The following PAN3 variants were observed in gnomAD, a reference collection of about 807,000 sequenced individuals.
PAN3 encodes the protein PAN2-PAN3 deadenylation complex subunit PAN3.
A neutral mutation model predicts 96.2 loss-of-function variants in PAN3; 19 were observed. That is an observed-to-expected ratio of 0.20 (90% confidence interval 0.14 to 0.29). PAN3 has a LOEUF of 0.29. PAN3 is among the 10% of genes least tolerant of loss of function. The probability of loss-of-function intolerance (pLI) is 1.00; values close to 1 mark genes in which losing one functional copy is unlikely to be tolerated. For missense variants in PAN3, 882 were observed against 1,108.1 expected, an observed-to-expected ratio of 0.80 and a Z score of 2.90; for synonymous variants, 433 against 406.6, an observed-to-expected ratio of 1.06 and a Z score of -0.78.
chr13:28,187,496 G>A (rs1338986815), intron 4 of PAN3, among the ~76,000 whole-genome samples: 2 of 152,152 alleles, frequency 1.3e-5, no homozygotes, highest in East Asian at 3.9e-4. Context: ...TGCATAGCAA[G>A]GTCTTCCAAC....
chr13:28,217,167 T>TA (rs1315938660), intron 5 of PAN3, among the ~76,000 whole-genome samples: 1 of 151,588 alleles, frequency 6.6e-6, no homozygotes, highest in African/African-American at 2.4e-5. Flanking sequence ...ACGGTCAGGA[T>TA]TCTTGATTTA....
chr13:28,220,129 T>C, intron 5 of PAN3, 102 bp from the exon 6 acceptor site: 2 of 1,110,284 alleles, frequency 1.8e-6, no homozygotes, highest in Non-Finnish European at 2.5e-6. Context: ...TTCAATAATA[T>C]ATTTTACTTA....
chr13:28,215,193 A>T, intron 5 of PAN3: 1 of 712,924 alleles, frequency 1.4e-6, no homozygotes, highest in Non-Finnish European at 2.6e-6. Context: ...CAGTGGAACC[A>T]CACTGCTTGA....
intron 6 of PAN3, among the ~76,000 whole-genome samples, chr13:28,237,767 A>G (rs1883243516): frequency 6.6e-6 from 1 of 152,104 alleles, no homozygotes; most frequent in Non-Finnish European, 1.5e-5. Flanking sequence ...CATGAATTCC[A>G]TGGGTAAGTT....
intron 6 of PAN3, among the ~76,000 whole-genome samples, chr13:28,252,166 GT>G (rs1249102924): frequency 6.9e-6 from 1 of 145,472 alleles, no homozygotes; most frequent in Non-Finnish European, 1.5e-5. Context: ...GGGATTATAT[GT>G]GTGAGCCACT....
intron 7 of PAN3, among the ~76,000 whole-genome samples, chr13:28,259,592 T>A (rs1885517711): frequency 6.6e-6 from 1 of 151,800 alleles, no homozygotes; most frequent in Non-Finnish European, 1.5e-5. Context: ...TTTAATTGAT[T>A]ACTGAAATAT....
chr13:28,268,287 T>A (rs1886352619), intron 12 of PAN3, among the ~76,000 whole-genome samples: 1 of 152,168 alleles, frequency 6.6e-6, no homozygotes, highest in African/African-American at 2.4e-5. Flanking sequence ...CCCATAGTTT[T>A]TATATTCTCT....
At chr13:28,220,155 T>A in intron 5 of PAN3, 76 bp from the exon 6 acceptor site, 1 of 1,379,302 alleles carries the variant, frequency 7.3e-7, no homozygotes, top group African/African-American at 1.4e-5. Context: ...TAAAGCACTG[T>A]GGAATATGCC....
intron 9 of PAN3, among the ~76,000 whole-genome samples, chr13:28,262,716 A>G (rs77724809): frequency 1.3e-5 from 2 of 149,800 alleles, no homozygotes; most frequent in Middle Eastern, 3.2e-3. Flanking sequence ...GAAATAACAA[A>G]CTGTAGAAAA....
At chr13:28,279,948 C>T (rs994535303) in intron 15 of PAN3, among the ~76,000 whole-genome samples, 1 of 151,342 alleles carries the variant, frequency 6.6e-6, no homozygotes, top group Non-Finnish European at 1.5e-5. Flanking sequence ...TACAGGTGCC[C>T]GCCACCATGC....
intron 14 of PAN3, 186 bp downstream of exon 14, chr13:28,272,257 A>C (rs542754715): frequency 8.7e-5 from 34 of 391,362 alleles, no homozygotes; most frequent in Middle Eastern, 6.8e-4. Context: ...TCCCCTCTCT[A>C]TTTCTTTCTC....
At chr13:28,184,886 A>G (rs1334958945) in intron 4 of PAN3, among the ~76,000 whole-genome samples, 1 of 152,108 alleles carries the variant, frequency 6.6e-6, no homozygotes, top group African/African-American at 2.4e-5. Flanking sequence ...CTCTTCTGTC[A>G]CATGTTACAG....
At chr13:28,224,010 A>G (rs1265772107) in intron 6 of PAN3, among the ~76,000 whole-genome samples, 1 of 150,420 alleles carries the variant, frequency 6.6e-6, no homozygotes, top group Non-Finnish European at 1.5e-5. Context: ...CTGGGACTAC[A>G]GGCGCCCGCC....
chr13:28,210,334 G>A (rs563726274), intron 5 of PAN3, among the ~76,000 whole-genome samples: 28 of 152,144 alleles, frequency 1.8e-4, no homozygotes, highest in Admixed American at 4.6e-4. Flanking sequence ...TTCATTTGCC[G>A]GGTTCCAACA....
chr13:28,199,272 A>G (rs1395103221), intron 5 of PAN3, among the ~76,000 whole-genome samples: 1 of 151,964 alleles, frequency 6.6e-6, no homozygotes, highest in Non-Finnish European at 1.5e-5. Context: ...AGGTGTAGCC[A>G]CTCGACCTCT....
rs926600040 is a variant in PAN3, at chr13:28,220,123, A to G, written c.853-108A>G. ...CCGAAAACACTTGTTAATCCTTTCA[A>G]TAATATATTTTACTTAGTAAATAAA... On this transcript the variant is annotated intron_variant, in intron 5 of 18. Coordinates refer to ENST00000380958, the MANE Select transcript of PAN3 (RefSeq NM_175854.8). 30 of 1,070,812 alleles carry G rather than the reference A, an allele frequency of 2.8e-5. No homozygotes were observed. The East Asian group carries it at 6.3e-4, about 23-fold the overall frequency. 66.3% of individuals were successfully genotyped at this position (1,070,812 alleles called of 1,614,324 possible). A position where few individuals can be genotyped will look rare whatever the true frequency, so the allele number is the denominator to read the frequency against.
chr13:28,245,363 G>A (rs1338002969), intron 6 of PAN3, among the ~76,000 whole-genome samples: 9 of 148,906 alleles, frequency 6.0e-5, no homozygotes. Flanking sequence ...TATCTTTTTT[G>A]TTGCTGCTAG....
chr13:28,245,134 A>G (rs887786416), intron 6 of PAN3, among the ~76,000 whole-genome samples: 7 of 152,214 alleles, frequency 4.6e-5, no homozygotes, highest in African/African-American at 1.7e-4. Context: ...GGCATGAGCC[A>G]ATGTGGCCAG....
At chr13:28,232,433 A>G (rs1566210023) in intron 6 of PAN3, 1 of 152,096 alleles carries the variant, frequency 6.6e-6, no homozygotes, top group Non-Finnish European at 1.5e-5. Flanking sequence ...AATGGGATAT[A>G]TTATATTTGC....
Sources: gnomAD v4.1 joint callset for allele counts (sites outside exome capture counted in the v4.1 genomes callset) on GRCh38, gnomAD v4.1.1 for gene constraint, MANE v1.5 for transcripts, NCBI Gene and HGNC (gene_info 2026-07-23, HGNC 2026-07-21) for gene names.